Variants in RRAGB observed in about 807,000 individuals in gnomAD.
RRAGB encodes Ras related GTP binding B, also known as ras-related GTP-binding protein B.
A neutral mutation model predicts 29.3 loss-of-function variants in RRAGB; 6 were observed. The ratio of observed to expected loss-of-function variants is 0.21; its 90% CI spans 0.11 to 0.40. RRAGB has a LOEUF of 0.40. Among genes scored for constraint, RRAGB ranks in the 10% least tolerant of loss-of-function variants. The pLI is 1.00. For missense variants in RRAGB, 184 were observed against 272.9 expected, an observed-to-expected ratio of 0.67 and a Z score of 2.29; for synonymous variants, 101 against 92.5, an observed-to-expected ratio of 1.09 and a Z score of -0.53.
intron 2 of RRAGB, among the ~76,000 whole-genome samples, chrX:55,720,806 A>G (rs1227599702): frequency 9.0e-6 from 1 of 110,956 alleles, no homozygotes; most frequent in Non-Finnish European, 1.9e-5. Flanking sequence ...TGAACCCGGG[A>G]GGCGGAGGTT....
rs2033118631 is a variant in RRAGB at position 55,718,114 on chromosome X, G to A, written c.-214G>A. 3 of 302,307 alleles carry A rather than the reference G, an allele frequency of 9.9e-6. No individual in the cohort carries two copies. Among genetic ancestry groups the A allele is most frequent in the Non-Finnish European group, 1.8e-5 (3 of 171,311 alleles). 24.9% of individuals were successfully genotyped at this position (302,307 alleles called of 1,213,427 possible). On this transcript the variant is annotated 5_prime_UTR_variant, in exon 1 of 10. Transcript: ENST00000374941. The stretch of plus-strand genomic sequence containing the variant: ...CTTGGCCTTAAAGCTAGCCAGCTCG[G>A]CCGTGCCTTGAGGCCAGGTTCGAGA...
intron 6 of RRAGB, among the ~76,000 whole-genome samples, chrX:55,751,846 C>A (rs2034536154): frequency 9.0e-6 from 1 of 111,139 alleles, no homozygotes; most frequent in South Asian, 3.8e-4. Flanking sequence ...ATTCTGATTC[C>A]TCCCTTTCTC....
intron 4 of RRAGB, among the ~76,000 whole-genome samples, chrX:55,729,808 A>T (rs1437561378): frequency 8.9e-6 from 1 of 112,354 alleles, no homozygotes; most frequent in Non-Finnish European, 1.9e-5. Context: ...GAAGAGTAGG[A>T]GTTAGCTCTT....
intron 5 of RRAGB, among the ~76,000 whole-genome samples, chrX:55,744,663 G>A (rs187658730): frequency 8.9e-6 from 1 of 112,052 alleles, no homozygotes; most frequent in South Asian, 3.7e-4. Context: ...CCCAAAAGGG[G>A]TATAGTTATC....
intron 5 of RRAGB, among the ~76,000 whole-genome samples, chrX:55,737,760 A>C (rs2033915448): frequency 8.9e-6 from 1 of 112,079 alleles, no homozygotes; most frequent in Non-Finnish European, 1.9e-5. Context: ...GGGCTTCCAC[A>C]CTCTAAGCTG....
intron 5 of RRAGB, among the ~76,000 whole-genome samples, chrX:55,749,399 C>G (rs1284472011): frequency 1.0e-5 from 1 of 95,906 alleles, no homozygotes; most frequent in African/African-American, 3.9e-5. Flanking sequence ...CCGCCCCGTC[C>G]GGGAGGGAGG....
rs1488551708 is a variant in RRAGB at position 55,751,362 on chromosome X, A to G, written c.612+166A>G. On this transcript the variant is annotated intron_variant, in intron 6 of 9. Coordinates refer to ENST00000374941, the MANE Select transcript of RRAGB (RefSeq NM_006064.5). ...TTGTTTGAAGAATATCAAACTTAAC[A>G]TTAAGAGACTTGGGTTTTGATCTTA... The G allele has an allele frequency of 1.1e-5, 4 of 366,833 alleles. No homozygotes were observed. The South Asian group carries it at 2.6e-4, about 23-fold the overall frequency. 30.2% of individuals were successfully genotyped at this position (366,833 alleles called of 1,213,427 possible). A position where few individuals can be genotyped will look rare whatever the true frequency, so the allele number is the denominator to read the frequency against.
intron 1 of RRAGB, 51 bp from the exon 2 acceptor site, chrX:55,719,263 A>G: frequency 9.2e-7 from 1 of 1,085,425 alleles, no homozygotes; most frequent in Non-Finnish European, 1.3e-6. Flanking sequence ...ATTAATTTCA[A>G]TTTCTAAGGG....
At chrX:55,718,621 G>T (rs1335712665) in intron 1 of RRAGB, among the ~76,000 whole-genome samples, 1 of 112,093 alleles carries the variant, frequency 8.9e-6, no homozygotes, top group Non-Finnish European at 1.9e-5. Flanking sequence ...CCCTTGGGAA[G>T]GGGCTGATAT....
chrX:55,751,415 C>T, intron 6 of RRAGB: 1 of 329,729 alleles, frequency 3.0e-6, no homozygotes, highest in Non-Finnish European at 5.2e-6. Flanking sequence ...TACCAAGTCA[C>T]ACTGAATTAG....
At chrX:55,741,968 G>T (rs1435032100) in intron 5 of RRAGB, among the ~76,000 whole-genome samples, 1 of 111,667 alleles carries the variant, frequency 9.0e-6, no homozygotes, top group Non-Finnish European at 1.9e-5. Context: ...ACAATAACAA[G>T]GTCATACTTC....
intron 5 of RRAGB, among the ~76,000 whole-genome samples, chrX:55,748,138 G>A (rs756277587): frequency 7.4e-4 from 83 of 112,861 alleles, no homozygotes; most frequent in African/African-American, 2.7e-3. Context: ...CGGAGGTGCC[G>A]GGATTGCAGA....
At chrX:55,739,235 C>A (rs1315826282) in intron 5 of RRAGB, among the ~76,000 whole-genome samples, 1 of 112,771 alleles carries the variant, frequency 8.9e-6, no homozygotes, top group African/African-American at 3.2e-5. Flanking sequence ...TGTTTGTTCA[C>A]GAAGCTGGGG....
intron 5 of RRAGB, among the ~76,000 whole-genome samples, chrX:55,750,608 C>G (rs1425581523): frequency 9.0e-6 from 1 of 111,286 alleles, no homozygotes; most frequent in Non-Finnish European, 1.9e-5. Context: ...TAAAATTAAC[C>G]ATAACAGTGT....
chrX:55,755,851 A>T lies in RRAGB; in HGVS notation c.746A>T (p.His249Leu). The T allele has an allele frequency of 8.3e-7, 1 of 1,202,140 alleles. No individual in the cohort carries two copies. The highest frequency in any genetic ancestry group is 1.1e-6 in the Non-Finnish European group (1 of 888,002). The change falls in exon 8 of 10, where the codon CAC becomes CTC. Residue 249 changes from histidine to leucine, a missense_variant. Transcript: ENST00000374941. Reference sequence around the variant, plus strand: ...TATTCTTTTTCATAGGTAATTTCTCACTATCAGTGTAAAGAGCAGCGTGAT... The same window carrying T: ...TATTCTTTTTCATAGGTAATTTCTCTCTATCAGTGTAAAGAGCAGCGTGAT... ...FERATFLVIS[H>L]YQCKEQRDAH... is the part of the protein sequence containing the mutation.
intron 5 of RRAGB, among the ~76,000 whole-genome samples, chrX:55,741,459 A>C (rs2034069485): frequency 1.8e-5 from 2 of 112,438 alleles, no homozygotes; most frequent in Admixed American, 1.9e-4. Flanking sequence ...AGTCATTAGC[A>C]AAAAAACATA....
chrX:55,724,790 A>G (rs1254778642), intron 3 of RRAGB, among the ~76,000 whole-genome samples: 2 of 111,940 alleles, frequency 1.8e-5, no homozygotes, highest in Non-Finnish European at 3.8e-5. Context: ...TCATTTTTAT[A>G]GAGAATAAAG....
intron 5 of RRAGB, among the ~76,000 whole-genome samples, chrX:55,750,865 G>C (rs1484355466): frequency 8.9e-6 from 1 of 111,758 alleles, no homozygotes; most frequent in African/African-American, 3.3e-5. Context: ...TATAAACATA[G>C]TGCTCGTAGT....
chrX:55,747,846 C>CCTCTTT (rs1484851606), intron 5 of RRAGB, among the ~76,000 whole-genome samples: 6 of 104,405 alleles, frequency 5.7e-5, no homozygotes, highest in East Asian at 3.2e-4. Context: ...TCTCCCTCTC[C>CCTCTTT]CCACGGTCTC....
Sources: allele counts gnomAD v4.1 joint callset (sites outside exome capture counted in the v4.1 genomes callset), GRCh38; gene constraint gnomAD v4.1.1; transcripts MANE v1.5; gene names NCBI Gene and HGNC (gene_info 2026-07-23, HGNC 2026-07-21).